FGF14: variants seen among roughly 807,000 people sequenced by gnomAD.
The protein encoded by FGF14 is fibroblast growth factor homologous factor 4.
A neutral mutation model predicts 25.5 loss-of-function variants in FGF14; 5 were observed. The observed-to-expected ratio is 0.20, with a 90% confidence interval of 0.10 to 0.41. The LOEUF is 0.41. Ranked by LOEUF, FGF14 falls within the 10% of genes least tolerant of loss-of-function variation. The pLI, the probability that FGF14 is intolerant of heterozygous loss-of-function variation, is 1.00. For missense variants in FGF14, 222 were observed against 320.1 expected, an observed-to-expected ratio of 0.69 and a Z score of 2.34; for synonymous variants, 138 against 118.3, an observed-to-expected ratio of 1.17 and a Z score of -1.08.
intron 1 of FGF14, among the ~76,000 whole-genome samples, chr13:102,087,407 CTTTT>C (rs71125043): frequency 3.7e-4 from 31 of 84,444 alleles, no homozygotes; most frequent in African/African-American, 1.0e-3. Flanking sequence ...ACTGTAATTT[CTTTT>C]TTTTTTTTTT....
chr13:101,953,548 G>A (rs2036306260), intron 1 of FGF14, among the ~76,000 whole-genome samples: 1 of 148,426 alleles, frequency 6.7e-6, no homozygotes, highest in South Asian at 2.2e-4. Flanking sequence ...TTCTGTATGT[G>A]TATATATATA....
intron 1 of FGF14, among the ~76,000 whole-genome samples, chr13:102,333,801 T>C (rs2056706928): frequency 6.6e-6 from 1 of 152,180 alleles, no homozygotes; most frequent in Non-Finnish European, 1.5e-5. Context: ...TTTGTTATGG[T>C]AATCACCAGC....
intron 1 of FGF14, among the ~76,000 whole-genome samples, chr13:102,156,180 A>G (rs1207991497): frequency 1.3e-5 from 2 of 152,206 alleles, no homozygotes; most frequent in African/African-American, 4.8e-5. Context: ...TCATCCTGAT[A>G]CCAAAGCCGG....
intron 1 of FGF14, among the ~76,000 whole-genome samples, chr13:101,925,256 C>T (rs1402998796): frequency 2.0e-5 from 3 of 152,134 alleles, no homozygotes; most frequent in Non-Finnish European, 4.4e-5. Context: ...TACAAATTTG[C>T]TATCATATTT....
rs191764025 is a variant in FGF14 at position 102,247,658 on chromosome 13, A to C, written c.208+153813T>G. On this transcript the variant is annotated intron_variant, in intron 1 of 4. Transcript: ENST00000376131. ...TGTTGGAGGAAGTATAAATTAGTTC[A>C]ACCATTGTGGAAAGCAGTGTGGTGA... Among the ~76,000 whole-genome samples the C allele has an allele frequency of 1.1e-4, 16 of 152,310 alleles. No individual in the cohort carries two copies. In the East Asian group the frequency reaches 2.9e-3, roughly 28 times the overall value.
chr13:101,877,868 C>T (rs2045485077), intron 1 of FGF14, among the ~76,000 whole-genome samples: 1 of 152,156 alleles, frequency 6.6e-6, no homozygotes, highest in African/African-American at 2.4e-5. Context: ...TAGTTCAGTA[C>T]TATAAGTTTA....
intron 1 of FGF14, among the ~76,000 whole-genome samples, chr13:102,227,545 T>A (rs533067485): frequency 6.6e-6 from 1 of 152,166 alleles, no homozygotes. Flanking sequence ...TAGGTATTCA[T>A]GTTTCGCAAA....
chr13:102,283,393 A>G (rs1446977270), intron 1 of FGF14, among the ~76,000 whole-genome samples: 1 of 152,196 alleles, frequency 6.6e-6, no homozygotes, highest in African/African-American at 2.4e-5. Flanking sequence ...CTCTGCTATA[A>G]CAGGTCCAGA....
chr13:102,214,241 C>T (rs1337986019), intron 1 of FGF14, among the ~76,000 whole-genome samples: 1 of 152,214 alleles, frequency 6.6e-6, no homozygotes, highest in Non-Finnish European at 1.5e-5. Context: ...CTCATTAATT[C>T]CCTTCCTTTG....
At chr13:102,037,880 A>C (rs1377589614) in intron 1 of FGF14, among the ~76,000 whole-genome samples, 1 of 152,092 alleles carries the variant, frequency 6.6e-6, no homozygotes, top group African/African-American at 2.4e-5. Context: ...AGAAAGTATA[A>C]ATTTCCCTTT....
In FGF14 at chr13:102,295,418, G is replaced by A. The variant is rs147914389; in HGVS notation, c.208+106053C>T. ...ACTCTAGACTTTTCCTTGCCCCTTA[G>A]CAGCCTTAAGTTTTTTTCTTGTCCT... On this transcript the variant is annotated intron_variant, in intron 1 of 4. Coordinates refer to the FGF14 transcript ENST00000376131. Among the ~76,000 whole-genome samples the A allele has an allele frequency of 4.6e-5, 7 of 152,180 alleles. No individual in the cohort carries two copies. The East Asian group carries it at 1.4e-3, about 29-fold the overall frequency.
chr13:102,310,697 G>GTGT lies in FGF14; in HGVS notation c.208+90773_208+90774insACA, dbSNP rs796286929. Among the ~76,000 whole-genome samples, 44 of 11,724 alleles carry GTGT rather than the reference G, an allele frequency of 3.8e-3. 3 individuals carry two copies. Among genetic ancestry groups the GTGT allele is most frequent in the African/African-American group, 7.2e-3 (28 of 3,908 alleles). The allele number at this position is 11,724 out of a possible 152,430, so 7.7% of individuals were successfully genotyped here. A position where few individuals can be genotyped will look rare whatever the true frequency, so the allele number is the denominator to read the frequency against. ...TCTCTCTCTCTCTCTGTGTGTGTGT[G>GTGT]GGGGGGGGGGGGTGGGGGTTGTTTA... is the stretch of plus-strand genomic sequence containing the variant. On this transcript the variant is annotated intron_variant, in intron 1 of 4. Transcript: ENST00000376131.
At chr13:101,738,475 C>T (rs1463945411) in intron 3 of FGF14, among the ~76,000 whole-genome samples, 1 of 152,148 alleles carries the variant, frequency 6.6e-6, no homozygotes, top group Non-Finnish European at 1.5e-5. Context: ...GCCGGGAACA[C>T]ATCGGCCATG....
chr13:101,903,042 T>A (rs2031769617), intron 1 of FGF14, among the ~76,000 whole-genome samples: 1 of 152,184 alleles, frequency 6.6e-6, no homozygotes, highest in Admixed American at 6.6e-5. Flanking sequence ...GCTTGCCAGT[T>A]TTCTGGGGTT....
At chr13:102,136,670 A>C (rs1450642959) in intron 1 of FGF14, among the ~76,000 whole-genome samples, 2 of 152,168 alleles carry the variant, frequency 1.3e-5, no homozygotes, top group Non-Finnish European at 2.9e-5. Flanking sequence ...GGAAAAAAAA[A>C]AAAAAAACCT....
chr13:101,749,376 TAGAG>T (rs1294151106), intron 3 of FGF14, among the ~76,000 whole-genome samples: 1 of 152,076 alleles, frequency 6.6e-6, no homozygotes, highest in Non-Finnish European at 1.5e-5. Flanking sequence ...TATAAATCTC[TAGAG>T]AATTATACAG....
intron 1 of FGF14, among the ~76,000 whole-genome samples, chr13:101,949,600 A>G (rs1017843840): frequency 6.6e-6 from 1 of 152,204 alleles, no homozygotes; most frequent in Non-Finnish European, 1.5e-5. Flanking sequence ...TAGTTACTGT[A>G]CTATGGGGAT....
intron 3 of FGF14, among the ~76,000 whole-genome samples, chr13:101,749,594 A>G (rs998630569): frequency 6.6e-6 from 1 of 152,046 alleles, no homozygotes; most frequent in African/African-American, 2.4e-5. Flanking sequence ...TCAGAATCCA[A>G]TGTTTTCTCT....
At position 101,916,638 on chromosome 13, in the gene FGF14, G is replaced by A; in HGVS notation, c.8C>T (p.Ala3Val). The A allele has an allele frequency of 6.4e-7, 1 of 1,566,444 alleles. No homozygotes were observed. The highest frequency in any genetic ancestry group is 8.7e-7 in the Non-Finnish European group (1 of 1,153,022). Residue 3 changes from alanine to valine, a missense_variant, in exon 1 of 5, where the codon GCG (alanine) becomes GTG (valine). This residue lies in a region of FGF14 where 11 missense variants were observed against 26.6 expected (regional missense o/e 0.41). Coordinates refer to ENST00000376143, the MANE Select transcript of FGF14 (RefSeq NM_004115.4). MA[A>V]AIASGLIRQK... ...GCGGATCAAGCCGCTAGCGATGGCC[G>A]CGGCCATGGTGGCCCCGGGAACGGG...
Sources: allele counts gnomAD v4.1 joint callset (sites outside exome capture counted in the v4.1 genomes callset), GRCh38; gene constraint gnomAD v4.1.1; regional missense constraint gnomAD v4.1.1; transcripts MANE v1.5; gene names NCBI Gene and HGNC (gene_info 2026-07-23, HGNC 2026-07-21).